The following NAV3 variants were observed in gnomAD, a reference collection of about 807,000 sequenced individuals.
NAV3 encodes pore membrane and/or filament interacting like protein 1.
NAV3 carries 87 observed loss-of-function variants against 244.7 expected under a neutral mutation model. The ratio of observed to expected loss-of-function variants is 0.36; its 90% confidence interval spans 0.30 to 0.42. NAV3 has a LOEUF of 0.42. NAV3 is among the 20% of genes least tolerant of loss of function. The pLI, the probability that NAV3 is intolerant of heterozygous loss-of-function variation, is 1.00. For missense variants in NAV3, 2,663 were observed against 2,893.3 expected, an observed-to-expected ratio of 0.92 and a Z score of 1.83; for synonymous variants, 1,126 against 1,042.2, an observed-to-expected ratio of 1.08 and a Z score of -1.55.
intron 8 of NAV3, among the ~76,000 whole-genome samples, chr12:78,020,711 T>C (rs1877008947): frequency 6.6e-6 from 1 of 152,106 alleles, no homozygotes; most frequent in Admixed American, 6.6e-5. Context: ...AAATTTAGAT[T>C]AAAAGCAAAA....
At chr12:77,684,429 TC>T (rs1456809247) in intron 2 of NAV3, among the ~76,000 whole-genome samples, 1 of 152,076 alleles carries the variant, frequency 6.6e-6, no homozygotes, top group African/African-American at 2.4e-5. Context: ...TACTCTCTTG[TC>T]CAGGCTAGAG....
intron 2 of NAV3, among the ~76,000 whole-genome samples, chr12:77,731,520 G>C (rs550309905): frequency 6.6e-6 from 1 of 151,962 alleles, no homozygotes; most frequent in Non-Finnish European, 1.5e-5. Context: ...TATCCAAATT[G>C]TGATTGGCAA....
At chr12:77,763,856 C>T (rs1869611969) in intron 2 of NAV3, among the ~76,000 whole-genome samples, 2 of 152,162 alleles carry the variant, frequency 1.3e-5, no homozygotes, top group South Asian at 4.1e-4. Flanking sequence ...CAGTTCCAGT[C>T]TGAATTTAAA....
intron 5 of NAV3, among the ~76,000 whole-genome samples, chr12:77,989,470 C>G (rs1871099483): frequency 6.6e-6 from 1 of 152,104 alleles, no homozygotes; most frequent in African/African-American, 2.4e-5. Context: ...ACCAACCAAC[C>G]AAACAAACAA....
intron 2 of NAV3, among the ~76,000 whole-genome samples, chr12:77,645,418 G>A (rs185212832): frequency 0.032 from 3,758 of 119,228 alleles, 60 homozygotes; most frequent in Middle Eastern, 0.1. Context: ...GACAGTGTAA[G>A]AGGGTGAGAT....
chr12:78,117,508 TATA>T (rs1955472325), intron 13 of NAV3, among the ~76,000 whole-genome samples: 1 of 147,712 alleles, frequency 6.8e-6, no homozygotes, highest in Non-Finnish European at 1.5e-5. Context: ...TCTATATTAA[TATA>T]ATAGTAACAT....
At chr12:77,792,631 C>T (rs1300684580) in intron 2 of NAV3, among the ~76,000 whole-genome samples, 2 of 152,200 alleles carry the variant, frequency 1.3e-5, no homozygotes, top group Non-Finnish European at 2.9e-5. Flanking sequence ...AATTTTGGTT[C>T]AAGTACTCCC....
At chr12:78,162,867 A>AT (rs1318490706) in intron 23 of NAV3, among the ~76,000 whole-genome samples, 5 of 122,752 alleles carry the variant, frequency 4.1e-5, no homozygotes, top group Non-Finnish European at 8.2e-5. Context: ...GTCTCAAAAA[A>AT]AAATATATAT....
intron 13 of NAV3, 65 bp from the exon 14 acceptor site, chr12:78,117,962 T>C (rs1955494545): frequency 2.9e-6 from 4 of 1,394,570 alleles, no homozygotes; most frequent in Non-Finnish European, 2.9e-6. Flanking sequence ...GTACATTTCA[T>C]TGCCTTAATT....
At chr12:78,089,108 T>G (rs1953788406) in intron 12 of NAV3, among the ~76,000 whole-genome samples, 1 of 152,118 alleles carries the variant, frequency 6.6e-6, no homozygotes, top group Non-Finnish European at 1.5e-5. Flanking sequence ...GGTCAGGTAA[T>G]TTATATTTGT....
At chr12:78,025,341 T>C (rs904773857) in intron 9 of NAV3, among the ~76,000 whole-genome samples, 2 of 152,080 alleles carry the variant, frequency 1.3e-5, no homozygotes, top group African/African-American at 4.8e-5. Flanking sequence ...CTCACGCTTG[T>C]AATTCTAGCA....
intron 12 of NAV3, among the ~76,000 whole-genome samples, chr12:78,089,005 A>T (rs188372876): frequency 2.0e-5 from 3 of 152,312 alleles, no homozygotes; most frequent in African/African-American, 7.2e-5. Context: ...TTGATCTCTT[A>T]GCATTTGGGA....
rs541643965 is a variant in NAV3 at position 77,734,423 on chromosome 12, G to A, written c.72+162157G>A. Reference sequence around the variant, plus strand: ...TGTTAGCCACATGAAAATCTTTGAAGAAAATTTTGCAGATAGCTCAAACTA... The same window carrying A: ...TGTTAGCCACATGAAAATCTTTGAAAAAAATTTTGCAGATAGCTCAAACTA... On this transcript the variant is annotated intron_variant, in intron 2 of 8. Transcript: ENST00000550042. Among the ~76,000 whole-genome samples, 19 of 152,122 alleles carry A rather than the reference G, an allele frequency of 1.2e-4. 1 individual carries two copies. In the South Asian group the frequency reaches 3.9e-3, roughly 32 times the overall value.
intron 5 of NAV3, among the ~76,000 whole-genome samples, chr12:77,978,998 T>G (rs1348830776): frequency 1.3e-5 from 2 of 151,790 alleles, no homozygotes; most frequent in Non-Finnish European, 2.9e-5. Flanking sequence ...CCATTATAAG[T>G]CAGTAATTTT....
intron 7 of NAV3, among the ~76,000 whole-genome samples, chr12:78,001,732 TG>T (rs1470158185): frequency 6.6e-6 from 1 of 152,226 alleles, no homozygotes; most frequent in Non-Finnish European, 1.5e-5. Flanking sequence ...AGGTTATCAT[TG>T]GCAGAGAAGG....
intron 10 of NAV3, among the ~76,000 whole-genome samples, chr12:78,050,527 A>G (rs184271157): frequency 7.4e-4 from 113 of 152,306 alleles, no homozygotes; most frequent in African/African-American, 2.6e-3. Flanking sequence ...ATGTAAAACA[A>G]TATGTTGTTT....
chr12:77,701,787 T>C (rs1169367066), intron 2 of NAV3, among the ~76,000 whole-genome samples: 1 of 151,980 alleles, frequency 6.6e-6, no homozygotes, highest in Non-Finnish European at 1.5e-5. Context: ...TGGCTTTGCT[T>C]TATATTTTCT....
intron 39 of NAV3, among the ~76,000 whole-genome samples, chr12:78,209,354 GA>G (rs5799382): frequency 0.55 from 81,850 of 150,098 alleles, 22,545 homozygotes; most frequent in East Asian, 0.84. Flanking sequence ...CTGTAAGTTG[GA>G]AAAAAAAAAC....
chr12:77,825,112 C>A (rs1177416651), intron 2 of NAV3, among the ~76,000 whole-genome samples: 1 of 152,090 alleles, frequency 6.6e-6, no homozygotes, highest in African/African-American at 2.4e-5. Context: ...GAATTTTGTA[C>A]CCAGAAAATA....
Sources: allele counts gnomAD v4.1 joint callset (sites outside exome capture counted in the v4.1 genomes callset), GRCh38; gene constraint gnomAD v4.1.1; transcripts MANE v1.5; gene names NCBI Gene and HGNC (gene_info 2026-07-23, HGNC 2026-07-21).